The following SOX5 variants were observed in gnomAD, a reference collection of about 807,000 sequenced individuals.
SOX5 encodes SRY-box transcription factor 5.
In SOX5, 9 loss-of-function variants were observed where a neutral mutation model predicts 92.0. The observed-to-expected ratio is 0.10, with a 90% CI of 0.06 to 0.17. The LOEUF is 0.17. SOX5 is among the 10% of genes least tolerant of loss of function. The pLI is 1.00. For synonymous variants in SOX5, 344 were observed against 336.3 expected (o/e 1.02, Z -0.25); for missense variants, 642 against 944.5 (o/e 0.68, Z 4.20).
intron 7 of SOX5, among the ~76,000 whole-genome samples, chr12:23,662,900 A>G (rs751960632): frequency 1.4e-4 from 22 of 152,358 alleles, no homozygotes; most frequent in South Asian, 6.2e-4. Flanking sequence ...ATTGAAGTCA[A>G]GATGGGTTGG....
upstream of SOX5, among the ~76,000 whole-genome samples, chr12:23,951,308 T>C (rs1159489093): frequency 1.3e-5 from 2 of 151,938 alleles, no homozygotes; most frequent in Non-Finnish European, 2.9e-5. Flanking sequence ...CCTGTTCTTT[T>C]CCACACATTC....
intron 4 of SOX5, among the ~76,000 whole-genome samples, chr12:24,143,400 C>G (rs978790489): frequency 1.2e-4 from 18 of 152,120 alleles, no homozygotes; most frequent in Admixed American, 2.6e-4. Flanking sequence ...AGAAATGACA[C>G]AGATGTTAGA....
chr12:23,888,183 A>T lies in SOX5; in HGVS notation c.270+7610T>A, dbSNP rs117487425. On this transcript the variant is annotated intron_variant, in intron 2 of 14. Transcript: ENST00000451604. Reference sequence around the variant, plus strand: ...TATTCATTTCTATACCTCCACTGATAAATATTCATTGTATATATTTGAGTT... The same window carrying T: ...TATTCATTTCTATACCTCCACTGATTAATATTCATTGTATATATTTGAGTT... 4.6e-3 allele frequency among the ~76,000 whole-genome samples: 704 copies of T among 152,258 alleles called. 11 individuals carry two copies. In the East Asian group the frequency reaches 0.063, roughly 14 times the overall value.
intron 1 of SOX5, among the ~76,000 whole-genome samples, chr12:24,484,533 G>T (rs1053293941): frequency 1.3e-5 from 2 of 152,086 alleles, no homozygotes; most frequent in African/African-American, 4.8e-5. Context: ...ACTATGGTGG[G>T]CCTATGTGTG....
chr12:23,698,923 T>C (rs2090251949), intron 6 of SOX5, among the ~76,000 whole-genome samples: 1 of 152,138 alleles, frequency 6.6e-6, no homozygotes. Flanking sequence ...ATGTTACGAG[T>C]TCCTCCATTC....
intron 4 of SOX5, among the ~76,000 whole-genome samples, chr12:23,981,563 C>T (rs1949568985): frequency 6.6e-6 from 1 of 152,100 alleles, no homozygotes; most frequent in Non-Finnish European, 1.5e-5. Flanking sequence ...CACATATGCA[C>T]TTATGAAGAG....
intron 1 of SOX5, among the ~76,000 whole-genome samples, chr12:24,510,088 CA>C (rs1329187964): frequency 6.6e-6 from 1 of 152,188 alleles, no homozygotes; most frequent in Non-Finnish European, 1.5e-5. Flanking sequence ...GTGTTTACTA[CA>C]TCAGATAAAT....
At chr12:23,542,110 C>T (rs1012455203) in intron 13 of SOX5, among the ~76,000 whole-genome samples, 2 of 152,122 alleles carry the variant, frequency 1.3e-5, no homozygotes, top group African/African-American at 4.8e-5. Context: ...ACTCCATCTG[C>T]AAAACAAAAC....
At chr12:24,378,346 T>A (rs1335540585) in intron 1 of SOX5, among the ~76,000 whole-genome samples, 3 of 152,258 alleles carry the variant, frequency 2.0e-5, no homozygotes, top group Non-Finnish European at 2.9e-5. Flanking sequence ...CTTCATTCTA[T>A]TTTGCATCCG....
intron 1 of SOX5, among the ~76,000 whole-genome samples, chr12:23,912,708 C>T (rs2097364816): frequency 1.3e-5 from 2 of 152,096 alleles, no homozygotes; most frequent in Non-Finnish European, 2.9e-5. Context: ...ACCTTGAAAA[C>T]ATTACGCCAA....
intron 2 of SOX5, among the ~76,000 whole-genome samples, chr12:24,317,279 A>C (rs1344692278): frequency 6.6e-6 from 1 of 152,238 alleles, no homozygotes; most frequent in Non-Finnish European, 1.5e-5. Context: ...TATCTGAAAT[A>C]TTACTTACTT....
intron 2 of SOX5, among the ~76,000 whole-genome samples, chr12:24,349,448 C>A (rs1037840378): frequency 6.6e-6 from 1 of 152,180 alleles, no homozygotes; most frequent in Non-Finnish European, 1.5e-5. Flanking sequence ...CTCCCTCCAC[C>A]CCCTGGCAAC....
intron 4 of SOX5, among the ~76,000 whole-genome samples, chr12:24,006,149 G>C (rs1216942774): frequency 6.6e-6 from 1 of 152,098 alleles, no homozygotes; most frequent in African/African-American, 2.4e-5. Flanking sequence ...GTTTTTGTTA[G>C]AGCATCCAGT....
intron 4 of SOX5, among the ~76,000 whole-genome samples, chr12:24,089,494 T>C (rs1439952910): frequency 1.3e-5 from 2 of 152,164 alleles, no homozygotes; most frequent in African/African-American, 4.8e-5. Context: ...TGACTATACA[T>C]GCATGTCTTT....
chr12:23,815,802 T>C (rs1200702133), intron 3 of SOX5, among the ~76,000 whole-genome samples: 5 of 152,190 alleles, frequency 3.3e-5, no homozygotes, highest in African/African-American at 1.2e-4. Flanking sequence ...TGCTAGGAAC[T>C]CTGGATAATG....
chr12:24,448,436 A>C (rs1323361362), intron 1 of SOX5, among the ~76,000 whole-genome samples: 5 of 152,148 alleles, frequency 3.3e-5, no homozygotes, highest in Non-Finnish European at 5.9e-5. Context: ...CTCACCTTGG[A>C]AGGCAACAAT....
At position 23,926,104 on chromosome 12, in the gene SOX5, T is replaced by G. The variant is rs543254108; in HGVS notation, c.38+23460A>C. 2.6e-4 allele frequency among the ~76,000 whole-genome samples: 40 copies of G among 152,206 alleles called. No individual in the cohort carries two copies. In the East Asian group the frequency reaches 6.6e-3, roughly 25 times the overall value. On this transcript the variant is annotated intron_variant, in intron 1 of 14. Coordinates refer to ENST00000451604, the MANE Select transcript of SOX5 (RefSeq NM_006940.6). ...ATGGCTTGGTATTTTAATTGCTAAC[T>G]GGCTCATATTTATTTACTGTAATAC...
At chr12:23,893,522 A>G (rs2097149212) in intron 2 of SOX5, among the ~76,000 whole-genome samples, 1 of 152,016 alleles carries the variant, frequency 6.6e-6, no homozygotes, top group Admixed American at 6.6e-5. Context: ...TACATTATGT[A>G]TGTATCAGTT....
intron 4 of SOX5, among the ~76,000 whole-genome samples, chr12:24,188,404 A>G (rs1260422939): frequency 6.6e-6 from 1 of 152,174 alleles, no homozygotes; most frequent in Non-Finnish European, 1.5e-5. Context: ...GACTGTACAG[A>G]GGAACAAAAT....
Sources: gnomAD v4.1 joint callset for allele counts (sites outside exome capture counted in the v4.1 genomes callset) on GRCh38, gnomAD v4.1.1 for gene constraint, MANE v1.5 for transcripts, NCBI Gene and HGNC (gene_info 2026-07-23, HGNC 2026-07-21) for gene names.